DNMT1: variants seen among roughly 807,000 people sequenced by gnomAD.
DNMT1 encodes the protein DNA methyltransferase 1, also known as DNA (cytosine-5)-methyltransferase 1.
Under a neutral mutation model 205.3 loss-of-function variants are expected in DNMT1, and 24 were observed. That is an observed-to-expected ratio of 0.12 (90% CI 0.08 to 0.16). DNMT1 has a LOEUF of 0.16. Among genes scored for constraint, DNMT1 ranks in the 10% least tolerant of loss-of-function variants. The probability of loss-of-function intolerance (pLI) is 1.00; values close to 1 mark genes in which losing one functional copy is unlikely to be tolerated. For missense variants in DNMT1, 1,293 were observed against 2,177.7 expected (o/e 0.59, Z 8.09); for synonymous variants, 817 against 839.8 (o/e 0.97, Z 0.47).
At chr19:10,168,763 G>A (rs1463052946) in intron 9 of DNMT1, among the ~76,000 whole-genome samples, 1 of 152,174 alleles carries the variant, frequency 6.6e-6, no homozygotes, top group Non-Finnish European at 1.5e-5. Flanking sequence ...GATATTAAAG[G>A]AATGAAATAG....
chr19:10,187,469 C>T (rs577295251), intron 1 of DNMT1, among the ~76,000 whole-genome samples: 1 of 151,740 alleles, frequency 6.6e-6, no homozygotes, highest in Non-Finnish European at 1.5e-5. Flanking sequence ...GCTGTGGTAG[C>T]ATGCACCTAT....
chr19:10,134,257 G>C lies in DNMT1; in HGVS notation c.4824C>G (p.Ile1608Met). The C allele has an allele frequency of 6.2e-7, 1 of 1,614,176 alleles. No individual in the cohort carries two copies. The highest frequency in any genetic ancestry group is 1.1e-5 in the South Asian group (1 of 91,078). Residue 1608 changes from isoleucine (I) to methionine (M), a missense_variant, in exon 40 of 41, where the codon ATC (isoleucine) becomes ATG (methionine). By Grantham distance (10) the Ile-to-Met change is conservative. Around this residue, in one of 13 missense-constraint regions of DNMT1, gnomAD observed 37 missense variants for 36.3 expected, o/e 1.02. Coordinates refer to ENST00000359526, the MANE Select transcript of DNMT1 (RefSeq NM_001130823.3). Reference sequence around the variant, plus strand: ...GGGCTTTGGCCAACATACAAAGCTTGATCTCCAAGCCAATGGCTTTGGCCA... The same window carrying C: ...GGGCTTTGGCCAACATACAAAGCTTCATCTCCAAGCCAATGGCTTTGGCCA... ...PPLAKAIGLEIKLCMLAKARE... is the reference protein window; with the variant it reads ...PPLAKAIGLEMKLCMLAKARE...
At chr19:10,135,007 T>G (rs1259164035) in intron 39 of DNMT1, among the ~76,000 whole-genome samples, 1 of 151,138 alleles carries the variant, frequency 6.6e-6, no homozygotes, top group African/African-American at 2.4e-5. Context: ...AGGTCAAGAG[T>G]TCGGGACCAG....
chr19:10,173,119 T>C lies in DNMT1; in HGVS notation c.739A>G (p.Thr247Ala). Residue 247 changes from threonine (T) to alanine (A), a missense_variant, in exon 9 of 41, where the codon ACT becomes GCT. By Grantham distance (58) the Thr-to-Ala change is moderately conservative. This residue lies in a region of DNMT1 where 394 missense variants were observed against 451.6 expected (regional missense o/e 0.87). Coordinates refer to ENST00000359526, the MANE Select transcript of DNMT1 (RefSeq NM_001130823.3). ...EPERAKSGTR[T>A]EKEEERDEKE... Reference sequence around the variant, plus strand: ...TCATCTCTTTCTTCTTCCTTTTCAGTGCGCGTTCCTGATTTTGCTCTTTCA... The same window carrying C: ...TCATCTCTTTCTTCTTCCTTTTCAGCGCGCGTTCCTGATTTTGCTCTTTCA... The C allele has an allele frequency of 3.1e-6, 5 of 1,614,174 alleles. No individual in the cohort carries two copies. Among genetic ancestry groups the C allele is most frequent in the South Asian group, 1.1e-5 (1 of 91,088 alleles).
chr19:10,161,819 T>C (rs181317508), intron 13 of DNMT1, among the ~76,000 whole-genome samples: 20 of 152,224 alleles, frequency 1.3e-4, no homozygotes, highest in Non-Finnish European at 2.1e-4. Context: ...TGGGGCCCCA[T>C]CCAATAAGAC....
intron 9 of DNMT1, among the ~76,000 whole-genome samples, chr19:10,170,437 G>A (rs911288527): frequency 2.0e-5 from 3 of 152,062 alleles, no homozygotes; most frequent in African/African-American, 2.4e-5. Flanking sequence ...TCAGGAGTTC[G>A]AGACCAGCCT....
At position 10,156,034 on chromosome 19, in the gene DNMT1, A is replaced by G; in HGVS notation, c.1400-89T>C. Reference sequence around the variant, plus strand: ...TAAGCGCCCACTCAGCAGACATCCCATCAGCCAGGTCGGGTGCTCCTCAGT... The same window carrying G: ...TAAGCGCCCACTCAGCAGACATCCCGTCAGCCAGGTCGGGTGCTCCTCAGT... On this transcript the variant is annotated intron_variant, in intron 18 of 40. Coordinates refer to ENST00000359526, the MANE Select transcript of DNMT1 (RefSeq NM_001130823.3). The surrounding 1 kb of genome is among the most constrained non-coding windows in gnomAD (Gnocchi z 4.2). The G allele has an allele frequency of 7.3e-7, 1 of 1,368,390 alleles. No individual in the cohort carries two copies. Among genetic ancestry groups the G allele is most frequent in the Non-Finnish European group, 1.0e-6 (1 of 982,890 alleles). 84.8% of individuals were successfully genotyped at this position (1,368,390 alleles called of 1,614,324 possible). A position where few individuals can be genotyped will look rare whatever the true frequency, so the allele number is the denominator to read the frequency against.
chr19:10,149,832 A>C (rs546101378), intron 25 of DNMT1, 21 bp downstream of exon 25: 1 of 1,613,512 alleles, frequency 6.2e-7, no homozygotes, highest in South Asian at 1.1e-5. Context: ...GCAGAAGTCA[A>C]GCAAAAAGAA....
chr19:10,183,861 G>A (rs1420336702), intron 1 of DNMT1, among the ~76,000 whole-genome samples: 2 of 152,020 alleles, frequency 1.3e-5, no homozygotes. Context: ...GGCAACAAGA[G>A]TGAAACTCTG....
At chr19:10,134,088 T>G in intron 40 of DNMT1, 129 bp downstream of exon 40, 1 of 897,014 alleles carries the variant, frequency 1.1e-6, no homozygotes, top group Non-Finnish European at 1.8e-6. Context: ...TTGAGAAAGA[T>G]GGGGCCACGA....
intron 9 of DNMT1, among the ~76,000 whole-genome samples, chr19:10,170,264 G>A (rs1042408184): frequency 9.2e-5 from 14 of 152,048 alleles, no homozygotes; most frequent in South Asian, 4.1e-4. Context: ...CAGCCTGAGC[G>A]AAAGAGCAAA....
chr19:10,155,928 T>C lies in DNMT1; in HGVS notation c.1417A>G (p.Asn473Asp). Residue 473 changes from asparagine (N) to aspartate (D), a missense_variant, in exon 19 of 41, where the codon AAT (asparagine) becomes GAT (aspartate). Asn to Asp is a conservative substitution (Grantham distance 23). This residue lies in a region of DNMT1 where 120 missense variants were observed against 315.9 expected (regional missense o/e 0.38). Transcript: ENST00000359526. ...PSLEGGVNGK[N>D]LGPINEWWIT... ...CACCATTCATTTATGGGGCCAAGATTTTTGCCATTAACACCACCTAGAGCA... is the reference window on the plus strand; with the variant it reads ...CACCATTCATTTATGGGGCCAAGATCTTTGCCATTAACACCACCTAGAGCA... 1 of 1,613,698 alleles carries C rather than the reference T, an allele frequency of 6.2e-7. No homozygotes were observed. Among genetic ancestry groups the C allele is most frequent in the Non-Finnish European group, 8.5e-7 (1 of 1,179,802 alleles).
rs748574658 is a variant in DNMT1 at position 10,141,133 on chromosome 19, A to G, written c.3366T>C (p.Pro1122=). ...FEDPPNHARS[P]GNKGKGKGKG... is the part of the protein sequence containing the mutation. ...TTCCCTTGCCCTTCCCTTTGTTTCCAGGGCTACGGGCATGGTTGGGAGGAT... is the reference window on the plus strand; with the variant it reads ...TTCCCTTGCCCTTCCCTTTGTTTCCGGGGCTACGGGCATGGTTGGGAGGAT... Residue 1122 remains proline (P), a synonymous_variant, in exon 31 of 41, where the codon CCT becomes CCC. Transcript: ENST00000359526. The G allele has an allele frequency of 6.2e-7, 1 of 1,614,042 alleles. No homozygotes were observed. Among genetic ancestry groups the G allele is most frequent in the South Asian group, 1.1e-5 (1 of 91,086 alleles).
chr19:10,175,021 G>C (rs951275055), intron 7 of DNMT1, among the ~76,000 whole-genome samples: 3 of 142,906 alleles, frequency 2.1e-5, no homozygotes, highest in African/African-American at 7.8e-5. Flanking sequence ...TGCCACAAGA[G>C]CAAAACCCTG....
At chr19:10,160,117 TC>T in intron 14 of DNMT1, 54 bp from the exon 15 acceptor site, 1 of 1,606,506 alleles carries the variant, frequency 6.2e-7, no homozygotes, top group Non-Finnish European at 8.5e-7. Context: ...TCAGAAAATA[TC>T]AAAATCGCCC....
intron 27 of DNMT1, among the ~76,000 whole-genome samples, chr19:10,148,001 A>G (rs897728525): frequency 6.0e-5 from 9 of 151,080 alleles, no homozygotes; most frequent in Non-Finnish European, 1.2e-4. Flanking sequence ...TTGTAATCCC[A>G]GCTACTCAGG....
intron 29 of DNMT1, chr19:10,142,955 G>A (rs1568225479): frequency 6.5e-6 from 1 of 153,774 alleles, no homozygotes; most frequent in Admixed American, 6.4e-5. Flanking sequence ...TTATTACAAA[G>A]GCTTCAGGAA....
At chr19:10,155,202 A>T in intron 19 of DNMT1, 146 bp from the exon 20 acceptor site, 1 of 1,129,868 alleles carries the variant, frequency 8.9e-7, no homozygotes, top group Non-Finnish European at 1.3e-6. Context: ...GGCACAACAC[A>T]TCATAGCTGG....
At chr19:10,177,815 C>T (rs1446773014) in intron 5 of DNMT1, among the ~76,000 whole-genome samples, 1 of 151,712 alleles carries the variant, frequency 6.6e-6, no homozygotes, top group East Asian at 1.9e-4. Context: ...CACCTATAAT[C>T]CCAGCTATTC....
Sources: allele counts gnomAD v4.1 joint callset (sites outside exome capture counted in the v4.1 genomes callset), GRCh38; gene constraint gnomAD v4.1.1; regional missense constraint gnomAD v4.1.1; non-coding constraint Gnocchi (gnomAD v3.1); transcripts MANE v1.5; gene names NCBI Gene and HGNC (gene_info 2026-07-23, HGNC 2026-07-21).